Variants in GABRB3 observed in about 807,000 individuals in gnomAD.
GABRB3 encodes the protein gamma-aminobutyric acid receptor subunit beta-3.
GABRB3 carries 14 observed loss-of-function variants against 52.1 expected under a neutral mutation model. The observed-to-expected ratio is 0.27, with a 90% confidence interval of 0.18 to 0.42. The LOEUF is 0.42. Ranked by LOEUF, GABRB3 falls within the 10% of genes least tolerant of loss-of-function variation. The pLI, the probability that GABRB3 is intolerant of heterozygous loss-of-function variation, is 1.00. For synonymous variants in GABRB3, 260 were observed against 232.3 expected, an observed-to-expected ratio of 1.12 and a Z score of -1.08; for missense variants, 307 against 609.1, an observed-to-expected ratio of 0.50 and a Z score of 5.22.
chr15:26,748,583 T>C (rs896886896), intron 3 of GABRB3, among the ~76,000 whole-genome samples: 19 of 152,238 alleles, frequency 1.2e-4, no homozygotes, highest in Non-Finnish European at 1.8e-4. Flanking sequence ...CTGACATTGA[T>C]GTCTTTCTCT....
intron 3 of GABRB3, among the ~76,000 whole-genome samples, chr15:26,764,300 T>G (rs1166209418): frequency 6.8e-6 from 1 of 146,610 alleles, no homozygotes; most frequent in Non-Finnish European, 1.5e-5. Flanking sequence ...ATTGTAGAAC[T>G]GGGGTAAAAC....
chr15:26,756,815 C>T (rs571709104), intron 3 of GABRB3, among the ~76,000 whole-genome samples: 221 of 152,248 alleles, frequency 1.5e-3, no homozygotes, highest in Non-Finnish European at 2.2e-3. Context: ...GCTTTCCTCC[C>T]TTTCATCACA....
intron 3 of GABRB3, among the ~76,000 whole-genome samples, chr15:26,770,295 C>T (rs1891110778): frequency 6.6e-6 from 1 of 152,014 alleles, no homozygotes; most frequent in Non-Finnish European, 1.5e-5. Context: ...GTTTACAGAG[C>T]CAGAAAAATT....
intron 4 of GABRB3, among the ~76,000 whole-genome samples, chr15:26,616,603 G>GA (rs5811433): frequency 0.076 from 10,396 of 136,286 alleles, 818 homozygotes; most frequent in African/African-American, 0.2. Flanking sequence ...TACTACACTT[G>GA]AAAAAAAAAA....
chr15:26,773,021 C>A lies in GABRB3; in HGVS notation c.-59G>T. On this transcript the variant is annotated 5_prime_UTR_variant, in exon 1 of 9. Transcript: ENST00000311550. ...GCCCCGCCGCCGTCGCGACCCGCAG[C>A]CGGGGCTGCTCCTGCTGCTGCCGCC... 8.2e-7 allele frequency: 1 copy of A among 1,225,494 alleles called. No individual in the cohort carries two copies. 75.9% of individuals were successfully genotyped at this position (1,225,494 alleles called of 1,614,324 possible). A position where few individuals can be genotyped will look rare whatever the true frequency, so the allele number is the denominator to read the frequency against.
chr15:26,627,640 A>G (rs1270235617), intron 3 of GABRB3, among the ~76,000 whole-genome samples: 1 of 152,142 alleles, frequency 6.6e-6, no homozygotes, highest in East Asian at 1.9e-4. Context: ...CTAGAAGTGA[A>G]ACTTGAAGAT....
At chr15:26,670,087 C>A (rs1242667328) in intron 3 of GABRB3, among the ~76,000 whole-genome samples, 1 of 152,212 alleles carries the variant, frequency 6.6e-6, no homozygotes, top group East Asian at 1.9e-4. Context: ...CTCGAGCGCC[C>A]CGGAGCCTCA....
intron 3 of GABRB3, among the ~76,000 whole-genome samples, chr15:26,698,033 A>C (rs535584584): frequency 2.0e-5 from 3 of 152,338 alleles, no homozygotes; most frequent in Non-Finnish European, 4.4e-5. Flanking sequence ...CCAGCTCATC[A>C]ACTAAGCAAG....
At chr15:26,605,633 A>G (rs1364778537) in intron 4 of GABRB3, among the ~76,000 whole-genome samples, 2 of 152,214 alleles carry the variant, frequency 1.3e-5, no homozygotes, top group Non-Finnish European at 2.9e-5. Flanking sequence ...AACATGGATA[A>G]AACTGGAGGT....
intron 3 of GABRB3, among the ~76,000 whole-genome samples, chr15:26,679,857 T>C (rs914074648): frequency 2.0e-5 from 3 of 152,198 alleles, no homozygotes; most frequent in African/African-American, 7.2e-5. Flanking sequence ...GTCAATCATA[T>C]GTGGAGAGAC....
chr15:26,686,117 A>T (rs1366051792), intron 3 of GABRB3, among the ~76,000 whole-genome samples: 1 of 151,428 alleles, frequency 6.6e-6, no homozygotes, highest in Admixed American at 6.6e-5. Flanking sequence ...TAATTTTTTT[A>T]TTTTTTGTAG....
chr15:26,549,037 C>G (rs965983575), intron 8 of GABRB3, among the ~76,000 whole-genome samples: 4 of 152,184 alleles, frequency 2.6e-5, no homozygotes, highest in Non-Finnish European at 5.9e-5. Flanking sequence ...TATCTCTCTT[C>G]CCTTTCTTTG....
intron 3 of GABRB3, among the ~76,000 whole-genome samples, chr15:26,693,939 C>G (rs979480688): frequency 1.3e-5 from 2 of 152,086 alleles, no homozygotes; most frequent in African/African-American, 4.8e-5. Context: ...GTTCTTCCAG[C>G]AGGAAGAGAG....
At chr15:26,654,816 G>GT in intron 3 of GABRB3, among the ~76,000 whole-genome samples, 1 of 151,954 alleles carries the variant, frequency 6.6e-6, no homozygotes, top group African/African-American at 2.4e-5. Flanking sequence ...TTTTTTGTTT[G>GT]TTTTTGGTTT....
intron 3 of GABRB3, among the ~76,000 whole-genome samples, chr15:26,767,822 C>T (rs146455592): frequency 1.3e-5 from 2 of 152,312 alleles, no homozygotes; most frequent in African/African-American, 4.8e-5. Context: ...CCCTAGCTCA[C>T]TCTAGCCTGA....
At chr15:26,561,642 G>A (rs1381686279) in intron 7 of GABRB3, among the ~76,000 whole-genome samples, 1 of 152,262 alleles carries the variant, frequency 6.6e-6, no homozygotes, top group Non-Finnish European at 1.5e-5. Context: ...AAGGCTATGA[G>A]CGAGAGCTCA....
intron 3 of GABRB3, among the ~76,000 whole-genome samples, chr15:26,683,388 A>C (rs1787496623): frequency 6.7e-6 from 1 of 148,484 alleles, no homozygotes; most frequent in African/African-American, 2.6e-5. Flanking sequence ...CCTGGTAGGA[A>C]ACAGCTCATT....
intron 3 of GABRB3, among the ~76,000 whole-genome samples, chr15:26,711,631 T>C (rs1373026477): frequency 6.6e-6 from 1 of 152,070 alleles, no homozygotes; most frequent in Non-Finnish European, 1.5e-5. Flanking sequence ...ACAAAGCCCA[T>C]GATCACAGCA....
chr15:26,598,561 G>C (rs1198379108), intron 4 of GABRB3, among the ~76,000 whole-genome samples: 6 of 152,224 alleles, frequency 3.9e-5, no homozygotes, highest in African/African-American at 1.4e-4. Context: ...AAAAAGAAAG[G>C]TCTTACTTTG....
Sources: allele counts gnomAD v4.1 joint callset (sites outside exome capture counted in the v4.1 genomes callset), GRCh38; gene constraint gnomAD v4.1.1; transcripts MANE v1.5; gene names NCBI Gene and HGNC (gene_info 2026-07-23, HGNC 2026-07-21).